The following PDE4D variants were observed in gnomAD, a reference collection of about 807,000 sequenced individuals.
PDE4D encodes 3',5'-cyclic-AMP phosphodiesterase 4D.
PDE4D carries 24 observed loss-of-function variants against 87.4 expected under a neutral mutation model. The ratio of observed to expected loss-of-function variants is 0.27; its 90% confidence interval spans 0.20 to 0.39. The LOEUF is 0.39. Ranked by LOEUF, PDE4D falls within the 10% of genes least tolerant of loss-of-function variation. PDE4D has a pLI of 1.00. For missense variants in PDE4D, 714 were observed against 1,041.0 expected (o/e 0.69, Z 4.32); for synonymous variants, 384 against 383.2 (o/e 1.00, Z -0.02).
intron 1 of PDE4D, among the ~76,000 whole-genome samples, chr5:60,374,856 G>T (rs1304811001): frequency 1.3e-5 from 2 of 152,090 alleles, no homozygotes; most frequent in East Asian, 3.9e-4. Flanking sequence ...TTAAAAATCG[G>T]TGAAATATGC....
intron 2 of PDE4D, among the ~76,000 whole-genome samples, chr5:59,196,578 C>T (rs1292700018): frequency 6.6e-6 from 1 of 152,054 alleles, no homozygotes; most frequent in African/African-American, 2.4e-5. Flanking sequence ...ACAGATACAC[C>T]AGTGTTTAAA....
At chr5:59,801,004 A>G (rs908797019) in intron 1 of PDE4D, among the ~76,000 whole-genome samples, 3 of 152,118 alleles carry the variant, frequency 2.0e-5, no homozygotes, top group Non-Finnish European at 4.4e-5. Context: ...TCAAAAAGCC[A>G]TTTTTCTTAA....
rs771561680 is a variant in PDE4D at position 60,017,125 on chromosome 5, G to A, written c.43-28408C>T. 1.6e-4 allele frequency among the ~76,000 whole-genome samples: 24 copies of A among 152,256 alleles called. No individual in the cohort carries two copies. In the South Asian group the frequency reaches 1.9e-3, roughly 12 times the overall value. On this transcript the variant is annotated intron_variant, in intron 2 of 16. Transcript: ENST00000502484. The stretch of plus-strand genomic sequence containing the variant: ...TCAGAGTTCTTGAGTGATCAGGTGC[G>A]TTGTCAATGAGCAGTAATATTTTGA...
intron 1 of PDE4D, among the ~76,000 whole-genome samples, chr5:60,340,702 G>C (rs1758240392): frequency 6.6e-6 from 1 of 151,432 alleles, no homozygotes; most frequent in South Asian, 2.1e-4. Flanking sequence ...TTTAAGTGGA[G>C]TTTTATTAAT....
At chr5:60,199,747 T>G (rs1741695591) in intron 1 of PDE4D, among the ~76,000 whole-genome samples, 2 of 151,618 alleles carry the variant, frequency 1.3e-5, no homozygotes, top group Admixed American at 6.6e-5. Flanking sequence ...ATTAAAATGG[T>G]CTTTCAGTTT....
intron 6 of PDE4D, among the ~76,000 whole-genome samples, chr5:59,015,151 TC>T (rs1753718747): frequency 6.6e-6 from 1 of 152,018 alleles, no homozygotes; most frequent in Admixed American, 6.6e-5. Flanking sequence ...TACATGTTAG[TC>T]CTAAAACCAT....
At chr5:59,535,333 T>C (rs562778721) in intron 1 of PDE4D, among the ~76,000 whole-genome samples, 4 of 152,246 alleles carry the variant, frequency 2.6e-5, no homozygotes, top group Admixed American at 2.0e-4. Flanking sequence ...AGGCATCAGA[T>C]TTTTTAAAGT....
At chr5:59,250,429 G>A (rs776000317) in intron 1 of PDE4D, among the ~76,000 whole-genome samples, 6 of 150,432 alleles carry the variant, frequency 4.0e-5, no homozygotes, top group Non-Finnish European at 8.9e-5. Flanking sequence ...GGAGGTCAAA[G>A]CTGCAATGAG....
intron 1 of PDE4D, among the ~76,000 whole-genome samples, chr5:59,520,932 G>A (rs1228870147): frequency 2.0e-5 from 3 of 151,928 alleles, no homozygotes; most frequent in East Asian, 3.9e-4. Context: ...GTGTCTGTAT[G>A]TGTGTATATA....
intron 1 of PDE4D, among the ~76,000 whole-genome samples, chr5:60,287,849 G>C (rs897062535): frequency 6.6e-6 from 1 of 152,104 alleles, no homozygotes; most frequent in Non-Finnish European, 1.5e-5. Context: ...TTTGATTATT[G>C]CTATTTGTGT....
intron 2 of PDE4D, among the ~76,000 whole-genome samples, chr5:59,209,668 CA>C (rs1320242635): frequency 1.3e-4 from 20 of 152,148 alleles, no homozygotes; most frequent in African/African-American, 4.8e-4. Context: ...TTTGTTCTAA[CA>C]ATTTAGCACC....
intron 3 of PDE4D, among the ~76,000 whole-genome samples, chr5:59,950,629 G>T (rs1162560193): frequency 6.6e-6 from 1 of 152,040 alleles, no homozygotes; most frequent in African/African-American, 2.4e-5. Context: ...CAAAGCCCAG[G>T]ATATCACTTA....
chr5:60,007,282 C>A lies in PDE4D; in HGVS notation c.43-18565G>T, dbSNP rs558583925. On this transcript the variant is annotated intron_variant, in intron 2 of 16. Transcript: ENST00000502484. ...CTTCTTGAAGGATAGAATAACAAAT[C>A]ATGCCAAACCTCAAGGCAACGTGTG... 4.6e-5 allele frequency among the ~76,000 whole-genome samples: 7 copies of A among 152,098 alleles called. No homozygotes were observed. The South Asian group carries it at 1.4e-3, about 31-fold the overall frequency.
At chr5:60,288,176 C>G (rs1183555717) in intron 1 of PDE4D, among the ~76,000 whole-genome samples, 1 of 152,188 alleles carries the variant, frequency 6.6e-6, no homozygotes, top group African/African-American at 2.4e-5. Flanking sequence ...GCATTTTTCC[C>G]CCTCAAATCT....
At chr5:59,787,363 T>C (rs1290802780) in intron 1 of PDE4D, among the ~76,000 whole-genome samples, 1 of 152,218 alleles carries the variant, frequency 6.6e-6, no homozygotes, top group African/African-American at 2.4e-5. Flanking sequence ...ACTTTCTTTC[T>C]GCTGAGTTCT....
At chr5:60,303,309 T>TTC (rs1190632369) in intron 1 of PDE4D, among the ~76,000 whole-genome samples, 5 of 145,628 alleles carry the variant, frequency 3.4e-5, no homozygotes, top group Admixed American at 6.8e-5. Flanking sequence ...CTGGATTTCT[T>TTC]TTTTTTTTTT....
At chr5:59,832,605 T>C (rs1050733115) in intron 1 of PDE4D, among the ~76,000 whole-genome samples, 1 of 152,062 alleles carries the variant, frequency 6.6e-6, no homozygotes, top group Non-Finnish European at 1.5e-5. Context: ...ATTTGAAACA[T>C]TGTAACAATG....
intron 1 of PDE4D, among the ~76,000 whole-genome samples, chr5:59,315,530 A>G (rs1359427182): frequency 6.6e-6 from 1 of 152,082 alleles, no homozygotes; most frequent in East Asian, 1.9e-4. Flanking sequence ...GCCCCAAGGA[A>G]TGTCAGGAGA....
At chr5:60,325,911 A>T (rs920980504) in intron 1 of PDE4D, among the ~76,000 whole-genome samples, 1 of 152,138 alleles carries the variant, frequency 6.6e-6, no homozygotes, top group Non-Finnish European at 1.5e-5. Flanking sequence ...AATTTGAATC[A>T]TATAGTATGC....
Sources: allele counts gnomAD v4.1 joint callset (sites outside exome capture counted in the v4.1 genomes callset), GRCh38; gene constraint gnomAD v4.1.1; transcripts MANE v1.5; gene names NCBI Gene and HGNC (gene_info 2026-07-23, HGNC 2026-07-21).